Variants in ST18 observed in about 807,000 individuals in gnomAD.
The protein encoded by ST18 is ST18 C2H2C-type zinc finger transcription factor.
In ST18, 50 loss-of-function variants were observed where a neutral mutation model predicts 110.0. The observed-to-expected ratio is 0.45, with a 90% confidence interval of 0.36 to 0.58. The LOEUF (loss-of-function observed/expected upper bound fraction) is 0.58. Ranked by LOEUF, ST18 falls within the 20% of genes least tolerant of loss-of-function variation. ST18 has a pLI of 0.00. For missense variants in ST18, 1,306 were observed against 1,280.1 expected, an observed-to-expected ratio of 1.02 and a Z score of -0.31; for synonymous variants, 461 against 452.4, an observed-to-expected ratio of 1.02 and a Z score of -0.24.
intron 2 of ST18, chr8:52,405,531 A>C (rs1844166033): frequency 6.6e-6 from 1 of 152,210 alleles, no homozygotes; most frequent in African/African-American, 2.4e-5. Flanking sequence ...ATATTTATTC[A>C]AATTGATTAC....
intron 2 of ST18, among the ~76,000 whole-genome samples, chr8:52,246,243 T>C (rs1418212855): frequency 2.6e-5 from 4 of 151,820 alleles, no homozygotes; most frequent in African/African-American, 9.7e-5. Context: ...ATAATGTCCT[T>C]AAAAAGGGAA....
intron 10 of ST18, 88 bp downstream of exon 10, chr8:52,171,704 G>T: frequency 1.4e-6 from 2 of 1,414,264 alleles, no homozygotes; most frequent in Non-Finnish European, 2.0e-6. Context: ...CTGTTAAAAA[G>T]CTACCTGAAA....
At chr8:52,132,233 T>A (rs998714525) in intron 21 of ST18, 54 bp from the exon 22 acceptor site, 1 of 1,466,466 alleles carries the variant, frequency 6.8e-7, no homozygotes, top group African/African-American at 1.4e-5. Context: ...GATAGTCCTA[T>A]GCTCTCCAGA....
At chr8:52,229,883 A>G (rs951429815) in intron 3 of ST18, 149 bp downstream of exon 3, 5 of 152,310 alleles carry the variant, frequency 3.3e-5, no homozygotes, top group African/African-American at 9.6e-5. Flanking sequence ...CCAAATTACC[A>G]TGAGGATGCC....
At chr8:52,149,424 A>G (rs867682469) in intron 16 of ST18, among the ~76,000 whole-genome samples, 18 of 152,252 alleles carry the variant, frequency 1.2e-4, no homozygotes, top group South Asian at 2.1e-4. Flanking sequence ...TGAGCAATAC[A>G]TTGCCCCTTA....
At chr8:52,138,107 A>AG (rs1235144216) in intron 17 of ST18, among the ~76,000 whole-genome samples, 1 of 151,408 alleles carries the variant, frequency 6.6e-6, no homozygotes, top group East Asian at 1.9e-4. Flanking sequence ...AAAAAAAAAA[A>AG]AAAAGAAAAG....
At chr8:52,365,198 G>C (rs576928236) in intron 2 of ST18, among the ~76,000 whole-genome samples, 1 of 128,162 alleles carries the variant, frequency 7.8e-6, no homozygotes, top group Non-Finnish European at 1.6e-5. Context: ...CAAACACAAA[G>C]TAATAAAACC....
At chr8:52,127,398 A>C (rs2047497141) in intron 22 of ST18, among the ~76,000 whole-genome samples, 1 of 152,154 alleles carries the variant, frequency 6.6e-6, no homozygotes, top group African/African-American at 2.4e-5. Context: ...CTCACTGTCA[A>C]CTGTGGCCTA....
chr8:52,113,954 G>GT lies in ST18; in HGVS notation c.3004-617dup, dbSNP rs1158213340. ...CAAAGTTTAAATTTATTCATACCGT[G>GT]TTTTTTTTTTTTTTTTTTTTTTTTT... On this transcript the variant is annotated intron_variant, in intron 25 of 25. Coordinates refer to ENST00000689386, the MANE Select transcript of ST18 (RefSeq NM_001352837.2). Among the ~76,000 whole-genome samples, 187 of 45,412 alleles carry GT rather than the reference G, an allele frequency of 4.1e-3. 53 individuals carry two copies. Among genetic ancestry groups the GT allele is most frequent in the Non-Finnish European group, 5.0e-3 (133 of 26,476 alleles). 29.8% of individuals were successfully genotyped at this position (45,412 alleles called of 152,430 possible).
intron 16 of ST18, among the ~76,000 whole-genome samples, chr8:52,143,483 C>CAA (rs111472492): frequency 2.0e-5 from 3 of 148,870 alleles, no homozygotes; most frequent in African/African-American, 4.9e-5. Context: ...GACTCCGTCT[C>CAA]AAAAAAAAAG....
chr8:52,334,143 T>A (rs1188910669), intron 2 of ST18, among the ~76,000 whole-genome samples: 1 of 152,236 alleles, frequency 6.6e-6, no homozygotes, highest in Non-Finnish European at 1.5e-5. Context: ...TGCCACAGAA[T>A]CCCTATTTAG....
chr8:52,401,214 T>C (rs1169416407), intron 2 of ST18, among the ~76,000 whole-genome samples: 1 of 152,180 alleles, frequency 6.6e-6, no homozygotes, highest in Non-Finnish European at 1.5e-5. Flanking sequence ...GATTTCCTGA[T>C]ATGTCATTTG....
chr8:52,158,876 C>T (rs768499621), intron 15 of ST18, 22 bp downstream of exon 15: 2 of 1,613,778 alleles, frequency 1.2e-6, no homozygotes, highest in Non-Finnish European at 1.7e-6. Flanking sequence ...GGCCCACCCT[C>T]CGGGCTCTTG....
chr8:52,363,136 T>C lies in ST18; in HGVS notation c.-465+46192A>G, dbSNP rs555988008. 2.6e-5 allele frequency among the ~76,000 whole-genome samples: 4 copies of C among 152,128 alleles called. No homozygotes were observed. The South Asian group carries it at 6.2e-4, about 24-fold the overall frequency. ...CTGAGGCAGGAGAATGGCGTGAGCCTGGGAGGCAGAGCTTGCAGTGAGCCG... is the reference window on the plus strand; with the variant it reads ...CTGAGGCAGGAGAATGGCGTGAGCCCGGGAGGCAGAGCTTGCAGTGAGCCG... On this transcript the variant is annotated intron_variant, in intron 2 of 25. Coordinates refer to ENST00000689386, the MANE Select transcript of ST18 (RefSeq NM_001352837.2).
At chr8:52,254,639 A>G (rs1189082252) in intron 2 of ST18, among the ~76,000 whole-genome samples, 2 of 152,174 alleles carry the variant, frequency 1.3e-5, no homozygotes, top group East Asian at 3.8e-4. Flanking sequence ...ATGGCTCAAC[A>G]GAGGAGATTC....
At chr8:52,260,654 TA>T (rs1005077581) in intron 2 of ST18, among the ~76,000 whole-genome samples, 7 of 152,208 alleles carry the variant, frequency 4.6e-5, no homozygotes, top group African/African-American at 1.7e-4. Context: ...TAAGTCATTC[TA>T]GCTCCACAGG....
At chr8:52,271,203 AT>A (rs1439253937) in intron 2 of ST18, among the ~76,000 whole-genome samples, 1 of 152,180 alleles carries the variant, frequency 6.6e-6, no homozygotes. Context: ...ATTTATAATT[AT>A]CTCGAAAAAG....
chr8:52,158,866 G>A (rs775414069), intron 15 of ST18, 32 bp downstream of exon 15: 2 of 1,611,966 alleles, frequency 1.2e-6, no homozygotes, highest in Non-Finnish European at 1.7e-6. Context: ...TTCAGTCGCT[G>A]GCCCACCCTC....
At chr8:52,254,387 T>C (rs1031115934) in intron 2 of ST18, 3 of 152,178 alleles carry the variant, frequency 2.0e-5, no homozygotes, top group African/African-American at 7.2e-5. Context: ...AGCACCTGCG[T>C]TTGTGTCCCC....
Sources: allele counts gnomAD v4.1 joint callset (sites outside exome capture counted in the v4.1 genomes callset), GRCh38; gene constraint gnomAD v4.1.1; transcripts MANE v1.5; gene names NCBI Gene and HGNC (gene_info 2026-07-23, HGNC 2026-07-21).